IL1RAPL1: variants seen among roughly 807,000 people sequenced by gnomAD.
IL1RAPL1 encodes the protein interleukin 1 receptor accessory protein like 1, also known as interleukin-1 receptor accessory protein-like 1.
In IL1RAPL1, 3 loss-of-function variants were observed where a neutral mutation model predicts 48.4. That is an observed-to-expected ratio of 0.06 (90% CI 0.03 to 0.16). The LOEUF is 0.16. IL1RAPL1 is among the 10% of genes least tolerant of loss of function. The pLI, the probability that IL1RAPL1 is intolerant of heterozygous loss-of-function variation, is 1.00. For missense variants in IL1RAPL1, 349 were observed against 530.6 expected (o/e 0.66, Z 3.36); for synonymous variants, 185 against 187.7 (o/e 0.99, Z 0.12).
intron 1 of IL1RAPL1, among the ~76,000 whole-genome samples, chrX:28,771,578 A>G (rs1030270898): frequency 1.8e-5 from 2 of 111,839 alleles, no homozygotes; most frequent in Non-Finnish European, 3.8e-5. Flanking sequence ...TTAATGGAGA[A>G]CCTGTTAGGA....
At chrX:29,078,317 CA>C (rs1602046410) in intron 2 of IL1RAPL1, among the ~76,000 whole-genome samples, 1 of 111,638 alleles carries the variant, frequency 9.0e-6, no homozygotes, top group African/African-American at 3.3e-5. Context: ...AAAACAAAAA[CA>C]AAAAACAAAA....
At chrX:29,878,557 G>A (rs964073132) in intron 6 of IL1RAPL1, among the ~76,000 whole-genome samples, 2 of 111,726 alleles carry the variant, frequency 1.8e-5, no homozygotes, top group Non-Finnish European at 3.8e-5. Context: ...TTCTTAGTGA[G>A]GACTTACTTA....
At chrX:29,656,652 T>C (rs1925691492) in intron 5 of IL1RAPL1, among the ~76,000 whole-genome samples, 1 of 110,777 alleles carries the variant, frequency 9.0e-6, no homozygotes, top group Non-Finnish European at 1.9e-5. Context: ...TATATATTTA[T>C]ACACCACATT....
intron 5 of IL1RAPL1, among the ~76,000 whole-genome samples, chrX:29,455,217 A>G (rs1387067796): frequency 9.0e-6 from 1 of 111,489 alleles, no homozygotes; most frequent in African/African-American, 3.3e-5. Context: ...GTATCCTGGA[A>G]CTTAAAATTT....
At chrX:29,754,992 G>T (rs1928578246) in intron 6 of IL1RAPL1, among the ~76,000 whole-genome samples, 1 of 112,254 alleles carries the variant, frequency 8.9e-6, no homozygotes, top group Non-Finnish European at 1.9e-5. Flanking sequence ...GCTCAACCGG[G>T]GAAGGATCTG....
At chrX:28,702,186 A>G (rs756834124) in intron 1 of IL1RAPL1, among the ~76,000 whole-genome samples, 1 of 111,654 alleles carries the variant, frequency 9.0e-6, no homozygotes, top group East Asian at 2.8e-4. Flanking sequence ...TTTAGAATCC[A>G]TGACCTCAAC....
chrX:29,947,752 GTTT>G (rs367605832), intron 9 of IL1RAPL1, among the ~76,000 whole-genome samples: 2 of 54,180 alleles, frequency 3.7e-5, no homozygotes, highest in Non-Finnish European at 3.6e-5. Flanking sequence ...TTTTTTTGGT[GTTT>G]TTTTTTTTTT....
At chrX:29,198,304 T>TTTTTCTTC (rs1930485406) in intron 2 of IL1RAPL1, among the ~76,000 whole-genome samples, 1 of 110,279 alleles carries the variant, frequency 9.1e-6, no homozygotes, top group Non-Finnish European at 1.9e-5. Context: ...TTTTTTTCTT[T>TTTTTCTTC]TTCTTTTTTT....
At chrX:29,710,290 G>A (rs911055695) in intron 6 of IL1RAPL1, among the ~76,000 whole-genome samples, 19 of 109,143 alleles carry the variant, frequency 1.7e-4, no homozygotes, top group East Asian at 1.4e-3. Context: ...AATGTTAGCC[G>A]TGGGTGTGTC....
intron 5 of IL1RAPL1, among the ~76,000 whole-genome samples, chrX:29,453,505 A>G (rs1421256992): frequency 9.0e-6 from 1 of 111,445 alleles, no homozygotes; most frequent in Non-Finnish European, 1.9e-5. Context: ...GCCATTACCA[A>G]TTACTGTAAC....
chrX:29,387,007 A>C (rs1933786455), intron 3 of IL1RAPL1, among the ~76,000 whole-genome samples: 2 of 112,207 alleles, frequency 1.8e-5, no homozygotes, highest in Admixed American at 1.9e-4. Context: ...TGAATTGGAA[A>C]TTTAAGGAAA....
In IL1RAPL1 at chrX:28,999,196, CTCTT is replaced by C. The variant is rs940366616; in HGVS notation, c.82+209776_82+209779del. ...CAACTTCAAACATCCTCTACTCCCT[CTCTT>C]TCTTCTTTCCCCATCTTCTTCCCGC... On this transcript the variant is annotated intron_variant, in intron 2 of 10. Transcript: ENST00000378993. 1.4e-4 allele frequency among the ~76,000 whole-genome samples: 15 copies of C among 110,585 alleles called. 1 individual carries two copies. The highest frequency in any genetic ancestry group is 5.8e-4 in the Admixed American group (6 of 10,406).
At chrX:29,548,858 G>T (rs769599848) in intron 5 of IL1RAPL1, among the ~76,000 whole-genome samples, 26 of 111,965 alleles carry the variant, frequency 2.3e-4, no homozygotes, top group Middle Eastern at 4.6e-3. Context: ...GAAATCCAAT[G>T]AGAAATAAAG....
At chrX:29,761,160 C>T (rs1928742052) in intron 6 of IL1RAPL1, among the ~76,000 whole-genome samples, 1 of 111,944 alleles carries the variant, frequency 8.9e-6, no homozygotes, top group South Asian at 3.7e-4. Context: ...GTAAAATATA[C>T]ATAACATAAA....
chrX:29,880,923 G>C (rs1346487307), intron 6 of IL1RAPL1, among the ~76,000 whole-genome samples: 1 of 111,351 alleles, frequency 9.0e-6, no homozygotes, highest in Non-Finnish European at 1.9e-5. Context: ...ATCACAAACA[G>C]AGTCATTATG....
At chrX:29,520,525 G>A (rs1278380001) in intron 5 of IL1RAPL1, among the ~76,000 whole-genome samples, 1 of 110,776 alleles carries the variant, frequency 9.0e-6, no homozygotes, top group Non-Finnish European at 1.9e-5. Context: ...ACAAATATTT[G>A]AATTTACATT....
chrX:29,903,951 T>G (rs1366793557), intron 6 of IL1RAPL1, among the ~76,000 whole-genome samples: 1 of 112,204 alleles, frequency 8.9e-6, no homozygotes, highest in African/African-American at 3.2e-5. Context: ...GACTGATATA[T>G]TTGATGTGTG....
chrX:29,836,007 C>T lies in IL1RAPL1; in HGVS notation c.779-81457C>T, dbSNP rs1930992280. On this transcript the variant is annotated intron_variant, in intron 6 of 10. Transcript: ENST00000378993. ...GTATTCTAGTCTTTATTTATTTCTGCTCTGATCTTTATCATTCCCTTCCTT... is the reference window on the plus strand; with the variant it reads ...GTATTCTAGTCTTTATTTATTTCTGTTCTGATCTTTATCATTCCCTTCCTT... Among the ~76,000 whole-genome samples the T allele has an allele frequency of 3.8e-5, 4 of 105,665 alleles. No homozygotes were observed. In the Admixed American group the frequency reaches 4.2e-4, roughly 11 times the overall value. The allele number at this position is 105,665 out of a possible 115,157, so 91.8% of individuals were successfully genotyped here.
intron 2 of IL1RAPL1, among the ~76,000 whole-genome samples, chrX:28,890,438 G>A (rs1922743060): frequency 9.0e-6 from 1 of 111,094 alleles, no homozygotes; most frequent in East Asian, 2.8e-4. Context: ...TTTATTTTTG[G>A]AAAGTGATTC....
Sources: allele counts gnomAD v4.1 joint callset (sites outside exome capture counted in the v4.1 genomes callset), GRCh38; gene constraint gnomAD v4.1.1; transcripts MANE v1.5; gene names NCBI Gene and HGNC (gene_info 2026-07-23, HGNC 2026-07-21).